The following CD247 variants were observed in gnomAD, a reference collection of about 807,000 sequenced individuals.
CD247 encodes the protein T-cell surface glycoprotein CD3 zeta chain.
A neutral mutation model predicts 30.0 loss-of-function variants in CD247; 13 were observed. The observed-to-expected ratio is 0.43, with a 90% confidence interval of 0.28 to 0.69. The LOEUF is 0.69. Among genes scored for constraint, CD247 ranks in the 30% least tolerant of loss-of-function variants. The pLI is 0.16. For synonymous variants in CD247, 72 were observed against 80.0 expected (o/e 0.90, Z 0.53); for missense variants, 193 against 212.6 (o/e 0.91, Z 0.57).
rs1651267970 is a variant in CD247 at position 167,431,586 on chromosome 1, TGAG to T, written c.*92_*94del. ...ACATAAAGGGGAATACTTCAGTGGC[TGAG>T]AAGAGTGAACCGGGTTGTAAATGCT... is the stretch of plus-strand genomic sequence containing the variant. On this transcript the variant is annotated 3_prime_UTR_variant, in exon 8 of 8. Transcript: ENST00000362089. 5 of 1,018,560 alleles carry T rather than the reference TGAG, an allele frequency of 4.9e-6. No individual in the cohort carries two copies. The highest frequency in any genetic ancestry group is 3.1e-5 in the African/African-American group (2 of 63,550). 63.1% of individuals were successfully genotyped at this position (1,018,560 alleles called of 1,614,324 possible).
intron 1 of CD247, among the ~76,000 whole-genome samples, chr1:167,501,343 G>A (rs1571592027): frequency 1.3e-5 from 2 of 152,120 alleles, no homozygotes; most frequent in Non-Finnish European, 2.9e-5. Flanking sequence ...ACAGGCGTAA[G>A]CCACTGCGCC....
chr1:167,445,358 T>C (rs1289905144), intron 1 of CD247, among the ~76,000 whole-genome samples: 1 of 152,134 alleles, frequency 6.6e-6, no homozygotes, highest in Non-Finnish European at 1.5e-5. Flanking sequence ...CCATGCACGA[T>C]AAGTTGGAAC....
chr1:167,497,602 T>G (rs974983781), intron 1 of CD247, among the ~76,000 whole-genome samples: 1 of 152,154 alleles, frequency 6.6e-6, no homozygotes, highest in Non-Finnish European at 1.5e-5. Context: ...GGTATTTGAT[T>G]TGGAAACAGT....
chr1:167,436,799 T>TGC (rs1386708733), intron 4 of CD247, among the ~76,000 whole-genome samples: 4 of 151,808 alleles, frequency 2.6e-5, no homozygotes, highest in Non-Finnish European at 4.4e-5. Context: ...CTTGTTAGGG[T>TGC]GCGCATTACC....
rs145299905 is a variant in CD247 at position 167,515,558 on chromosome 1, C to T, written c.58+2850G>A. On this transcript the variant is annotated intron_variant, in intron 1 of 7. Transcript: ENST00000362089. ...TATTTTTTCAGACATGTTTTTACTTCGGGAGAATATTCCCCTACAGAGTAA... is the reference window on the plus strand; with the variant it reads ...TATTTTTTCAGACATGTTTTTACTTTGGGAGAATATTCCCCTACAGAGTAA... Among the ~76,000 whole-genome samples the T allele has an allele frequency of 2.6e-3, 397 of 152,292 alleles. 2 individuals are homozygous for T. The highest frequency in any genetic ancestry group is 4.1e-3 in the Non-Finnish European group (278 of 68,016).
rs180808134 is a variant in CD247 at position 167,477,276 on chromosome 1, C to T, written c.59-36509G>A. Among the ~76,000 whole-genome samples the T allele has an allele frequency of 4.6e-5, 7 of 152,318 alleles. No individual in the cohort carries two copies. In the East Asian group the frequency reaches 1.2e-3, roughly 25 times the overall value. ...CAGGAGAAAGCAAAAGGGAGGAAGACGTTAAGAACAAAGCCCATGACCTTG... is the reference window on the plus strand; with the variant it reads ...CAGGAGAAAGCAAAAGGGAGGAAGATGTTAAGAACAAAGCCCATGACCTTG... On this transcript the variant is annotated intron_variant, in intron 1 of 7. Coordinates refer to ENST00000362089, the MANE Select transcript of CD247 (RefSeq NM_198053.3).
chr1:167,481,115 C>T (rs867373654), intron 1 of CD247, among the ~76,000 whole-genome samples: 25 of 152,124 alleles, frequency 1.6e-4, no homozygotes, highest in Middle Eastern at 3.4e-3. Flanking sequence ...GGTGAAACCC[C>T]ATCTCTACAA....
chr1:167,443,860 C>T (rs28690355), intron 1 of CD247, among the ~76,000 whole-genome samples: 10,426 of 152,200 alleles, frequency 0.069, 610 homozygotes, highest in African/African-American at 0.16. Flanking sequence ...TCTCCTCGGT[C>T]CCACTATACC....
intron 1 of CD247, among the ~76,000 whole-genome samples, chr1:167,508,570 AT>A (rs1243355661): frequency 2.6e-5 from 4 of 152,190 alleles, no homozygotes; most frequent in Non-Finnish European, 5.9e-5. Flanking sequence ...GACAAGATTC[AT>A]TTTGTCCAGA....
At chr1:167,465,345 T>TTTTG (rs1653197351) in intron 1 of CD247, among the ~76,000 whole-genome samples, 1 of 148,144 alleles carries the variant, frequency 6.8e-6, no homozygotes. Context: ...TTTTTTTTTT[T>TTTTG]GAGATGGAGT....
intron 1 of CD247, among the ~76,000 whole-genome samples, chr1:167,470,060 C>G (rs1329815051): frequency 1.3e-5 from 2 of 152,080 alleles, no homozygotes; most frequent in African/African-American, 4.8e-5. Context: ...ATTACAGGCT[C>G]ATGCCATCAT....
chr1:167,453,957 C>T (rs1288486100), intron 1 of CD247, among the ~76,000 whole-genome samples: 1 of 152,014 alleles, frequency 6.6e-6, no homozygotes, highest in African/African-American at 2.4e-5. Context: ...GAGTTAGACC[C>T]TGCCTCAAAA....
At chr1:167,439,289 T>C in intron 3 of CD247, 55 bp downstream of exon 3, 1 of 1,528,102 alleles carries the variant, frequency 6.5e-7, no homozygotes, top group East Asian at 2.3e-5. Context: ...GTTCCCTAGG[T>C]CCGAGGAGGA....
intron 1 of CD247, among the ~76,000 whole-genome samples, chr1:167,447,863 G>A (rs979870875): frequency 6.0e-5 from 9 of 150,306 alleles, no homozygotes; most frequent in African/African-American, 2.0e-4. Flanking sequence ...GCTGCTGCCA[G>A]CTCCACCCCC....
At chr1:167,467,579 G>A (rs1653313208) in intron 1 of CD247, among the ~76,000 whole-genome samples, 1 of 152,228 alleles carries the variant, frequency 6.6e-6, no homozygotes, top group South Asian at 2.1e-4. Context: ...TTGGTGCAGA[G>A]CACAGCCCTA....
At chr1:167,509,369 C>CAAAAAAAAAAAAA (rs35004744) in intron 1 of CD247, among the ~76,000 whole-genome samples, 1 of 63,844 alleles carries the variant, frequency 1.6e-5, no homozygotes, top group Admixed American at 1.8e-4. Context: ...AACTCTGTCT[C>CAAAAAAAAAAAAA]AAAAAAAAAA....
intron 7 of CD247, 101 bp from the exon 8 acceptor site, chr1:167,431,847 G>T: frequency 1.0e-6 from 1 of 995,824 alleles, no homozygotes; most frequent in Non-Finnish European, 1.6e-6. Flanking sequence ...ACAGCCCTGT[G>T]ACCACCCACC....
In CD247 at chr1:167,503,951, T is replaced by C. The variant is rs149639806; in HGVS notation, c.58+14457A>G. ...TTTCTGGGGCAGAAAATCCTATTCCTACCACCAGATCTTCCCTTTGCTAAT... is the reference window on the plus strand; with the variant it reads ...TTTCTGGGGCAGAAAATCCTATTCCCACCACCAGATCTTCCCTTTGCTAAT... On this transcript the variant is annotated intron_variant, in intron 1 of 7. Coordinates refer to ENST00000362089, the MANE Select transcript of CD247 (RefSeq NM_198053.3). 5.3e-5 allele frequency among the ~76,000 whole-genome samples: 8 copies of C among 152,326 alleles called. No homozygotes were observed. In the East Asian group the frequency reaches 1.5e-3, roughly 29 times the overall value.
In CD247 at chr1:167,479,524, C is replaced by T. The variant is rs550499445; in HGVS notation, c.59-38757G>A. 3.3e-5 allele frequency among the ~76,000 whole-genome samples: 5 copies of T among 152,304 alleles called. No homozygotes were observed. In the East Asian group the frequency reaches 5.8e-4, roughly 18 times the overall value. ...CCATCTGCCACACACTACGGCCCAG[C>T]GGTGGCCATGCCTCCCCCTGTTCAA... On this transcript the variant is annotated intron_variant, in intron 1 of 7. Transcript: ENST00000362089.
Sources: gnomAD v4.1 joint callset for allele counts (sites outside exome capture counted in the v4.1 genomes callset) on GRCh38, gnomAD v4.1.1 for gene constraint, MANE v1.5 for transcripts, NCBI Gene and HGNC (gene_info 2026-07-23, HGNC 2026-07-21) for gene names.